The following CSMD3 variants were observed in gnomAD, a reference collection of about 807,000 sequenced individuals.
CSMD3 encodes CUB and sushi domain-containing protein 3.
CSMD3 carries 177 observed loss-of-function variants against 435.2 expected under a neutral mutation model. The ratio of observed to expected loss-of-function variants is 0.41; its 90% CI spans 0.36 to 0.46. The LOEUF (loss-of-function observed/expected upper bound fraction) is 0.46, where lower values mean the gene tolerates loss of function less well. Ranked by LOEUF, CSMD3 falls within the 20% of genes least tolerant of loss-of-function variation. The pLI is 0.34. For synonymous variants in CSMD3, 1,656 were observed against 1,520.5 expected (o/e 1.09, Z -2.07); for missense variants, 4,265 against 4,504.6 (o/e 0.95, Z 1.52).
intron 2 of CSMD3, among the ~76,000 whole-genome samples, chr8:113,308,070 A>G (rs200064859): frequency 5.9e-5 from 9 of 151,846 alleles, no homozygotes; most frequent in Admixed American, 5.9e-4. Context: ...ATAGACTGCA[A>G]TTTTTTTAAT....
chr8:112,574,558 A>T (rs1379889360), intron 23 of CSMD3, among the ~76,000 whole-genome samples: 1 of 151,984 alleles, frequency 6.6e-6, no homozygotes, highest in Non-Finnish European at 1.5e-5. Context: ...TTTCCTAAAA[A>T]GTGTGTAGTA....
At chr8:112,553,725 T>G (rs1161289544) in intron 25 of CSMD3, among the ~76,000 whole-genome samples, 1 of 152,004 alleles carries the variant, frequency 6.6e-6, no homozygotes, top group Non-Finnish European at 1.5e-5. Flanking sequence ...TTGATTATTA[T>G]TATTATTAGA....
chr8:113,045,786 A>G (rs2087804003), intron 5 of CSMD3, among the ~76,000 whole-genome samples: 1 of 149,396 alleles, frequency 6.7e-6, no homozygotes, highest in African/African-American at 2.4e-5. Context: ...GAAACTCGGC[A>G]CATCATTTTA....
chr8:112,679,326 AG>A (rs1239352341), intron 16 of CSMD3, among the ~76,000 whole-genome samples: 2 of 152,078 alleles, frequency 1.3e-5, no homozygotes, highest in African/African-American at 4.8e-5. Context: ...TAACCTGGCA[AG>A]GGCCACCCTA....
chr8:112,300,968 T>C (rs1177344236), intron 53 of CSMD3, among the ~76,000 whole-genome samples: 1 of 152,168 alleles, frequency 6.6e-6, no homozygotes, highest in Non-Finnish European at 1.5e-5. Context: ...CTATTCATGA[T>C]AATCAGCAAT....
chr8:113,159,297 A>G (rs1476703635), intron 4 of CSMD3, among the ~76,000 whole-genome samples: 1 of 151,970 alleles, frequency 6.6e-6, no homozygotes, highest in Non-Finnish European at 1.5e-5. Context: ...TAAGATGTTT[A>G]TAGACATATA....
chr8:113,390,914 AAAT>A (rs1181295759), intron 1 of CSMD3, among the ~76,000 whole-genome samples: 1 of 151,996 alleles, frequency 6.6e-6, no homozygotes, highest in Non-Finnish European at 1.5e-5. Flanking sequence ...TATGCCTGCA[AAAT>A]AACATTTCTA....
chr8:113,272,129 C>T (rs1348822368), intron 3 of CSMD3, among the ~76,000 whole-genome samples: 1 of 152,072 alleles, frequency 6.6e-6, no homozygotes, highest in Non-Finnish European at 1.5e-5. Flanking sequence ...ATTTTATGGG[C>T]TCATAGGTGC....
At chr8:113,409,121 T>C (rs1340861586) in intron 1 of CSMD3, among the ~76,000 whole-genome samples, 1 of 145,134 alleles carries the variant, frequency 6.9e-6, no homozygotes, top group Non-Finnish European at 1.5e-5. Flanking sequence ...TCTCACTCTG[T>C]CTCTCAGCCT....
intron 18 of CSMD3, among the ~76,000 whole-genome samples, chr8:112,653,553 A>T (rs1009776764): frequency 1.3e-5 from 2 of 151,968 alleles, no homozygotes; most frequent in African/African-American, 4.8e-5. Context: ...AACAGACGTG[A>T]TTTTTTCCTG....
At chr8:112,437,452 G>T (rs997777553) in intron 32 of CSMD3, among the ~76,000 whole-genome samples, 1 of 151,996 alleles carries the variant, frequency 6.6e-6, no homozygotes, top group Non-Finnish European at 1.5e-5. Flanking sequence ...CCTTTGTCAC[G>T]ACGGAATATG....
At chr8:112,449,659 C>T (rs1213549507) in intron 32 of CSMD3, among the ~76,000 whole-genome samples, 4 of 152,218 alleles carry the variant, frequency 2.6e-5, no homozygotes, top group Admixed American at 2.6e-4. Flanking sequence ...ACACCTGTCT[C>T]ATATCTTATG....
At chr8:113,227,777 TA>T (rs1386652115) in intron 3 of CSMD3, among the ~76,000 whole-genome samples, 2 of 151,674 alleles carry the variant, frequency 1.3e-5, no homozygotes, top group Non-Finnish European at 3.0e-5. Flanking sequence ...GTGAGTCAAT[TA>T]AACTTCCTTT....
At chr8:112,516,065 T>TA (rs930383536) in intron 28 of CSMD3, among the ~76,000 whole-genome samples, 1 of 152,092 alleles carries the variant, frequency 6.6e-6, no homozygotes, top group Non-Finnish European at 1.5e-5. Flanking sequence ...ACTGAAGAAC[T>TA]AACACTCTTT....
chr8:112,714,945 A>G, intron 13 of CSMD3, among the ~76,000 whole-genome samples: 1 of 152,190 alleles, frequency 6.6e-6, no homozygotes, highest in East Asian at 1.9e-4. Context: ...GGAAATTTAT[A>G]ACACTAAATG....
At chr8:112,732,711 A>G (rs957516328) in intron 13 of CSMD3, among the ~76,000 whole-genome samples, 1 of 151,582 alleles carries the variant, frequency 6.6e-6, no homozygotes, top group Non-Finnish European at 1.5e-5. Flanking sequence ...AAAAAAAAAA[A>G]AAAAAGAAAA....
intron 3 of CSMD3, among the ~76,000 whole-genome samples, chr8:113,263,210 T>C (rs1355755928): frequency 6.6e-6 from 1 of 151,858 alleles, no homozygotes; most frequent in Non-Finnish European, 1.5e-5. Flanking sequence ...ACCAAAAATA[T>C]TGATAAGTGC....
At chr8:112,389,190 T>C (rs975425891) in intron 36 of CSMD3, among the ~76,000 whole-genome samples, 1 of 152,078 alleles carries the variant, frequency 6.6e-6, no homozygotes, top group Non-Finnish European at 1.5e-5. Flanking sequence ...AAAGAGAAGA[T>C]GATAACTAAA....
chr8:113,100,368 A>G (rs1403464520), intron 4 of CSMD3, among the ~76,000 whole-genome samples: 1 of 152,106 alleles, frequency 6.6e-6, no homozygotes, highest in Non-Finnish European at 1.5e-5. Flanking sequence ...TAAATCTTCT[A>G]GTAATCCTGT....
Sources: allele counts gnomAD v4.1 joint callset (sites outside exome capture counted in the v4.1 genomes callset), GRCh38; gene constraint gnomAD v4.1.1; transcripts MANE v1.5; gene names NCBI Gene and HGNC (gene_info 2026-07-23, HGNC 2026-07-21).